The following PARP8 variants were observed in gnomAD, a reference collection of about 807,000 sequenced individuals.
PARP8 encodes poly(ADP-ribose) polymerase family member 8, also known as protein mono-ADP-ribosyltransferase PARP8.
A neutral mutation model predicts 124.1 loss-of-function variants in PARP8; 51 were observed. That is an observed-to-expected ratio of 0.41 (90% CI 0.33 to 0.52). The LOEUF (loss-of-function observed/expected upper bound fraction) is 0.52, where lower values mean the gene tolerates loss of function less well. Among genes scored for constraint, PARP8 ranks in the 20% least tolerant of loss-of-function variants. The probability of loss-of-function intolerance (pLI) is 0.21; values close to 1 mark genes in which losing one functional copy is unlikely to be tolerated. For missense variants in PARP8, 860 were observed against 1,018.9 expected (o/e 0.84, Z 2.12); for synonymous variants, 391 against 361.5 (o/e 1.08, Z -0.93).
rs1266593622 is a variant in PARP8, at chr5:50,844,321, TA to T, written c.*2255del. The T allele has an allele frequency of 1.3e-5, 2 of 151,852 alleles. No individual in the cohort carries two copies. Among genetic ancestry groups the T allele is most frequent in the African/African-American group, 4.8e-5 (2 of 41,416 alleles). The allele number at this position is 151,852 out of a possible 1,614,324, so 9.4% of individuals were successfully genotyped here. A position where few individuals can be genotyped will look rare whatever the true frequency, so the allele number is the denominator to read the frequency against. ...TCAAACAATTGCGTCAGAACCTTTGTAAGCAAATATTCTAAGGAGAATCAAT... is the reference window on the plus strand; with the variant it reads ...TCAAACAATTGCGTCAGAACCTTTGTAGCAAATATTCTAAGGAGAATCAAT... On this transcript the variant is annotated 3_prime_UTR_variant, in exon 26 of 26. Transcript: ENST00000281631.
At chr5:50,821,184 T>C (rs1364286537) in intron 15 of PARP8, 29 bp from the exon 16 acceptor site, 6 of 1,612,814 alleles carry the variant, frequency 3.7e-6, no homozygotes, top group Admixed American at 1.7e-5. Context: ...ACCTGAAGGG[T>C]AGTAACTATC....
intron 2 of PARP8, among the ~76,000 whole-genome samples, chr5:50,708,935 C>T (rs1754439604): frequency 6.6e-6 from 1 of 150,666 alleles, no homozygotes; most frequent in Admixed American, 6.7e-5. Flanking sequence ...GCACTTGCCA[C>T]CATGCCTGGC....
chr5:50,726,125 A>C (rs533480346), intron 2 of PARP8, among the ~76,000 whole-genome samples: 2 of 151,394 alleles, frequency 1.3e-5, no homozygotes, highest in African/African-American at 4.9e-5. Flanking sequence ...TTTTTTTTTA[A>C]ATTTTTTATT....
intron 14 of PARP8, among the ~76,000 whole-genome samples, chr5:50,807,644 A>G (rs1256199654): frequency 6.6e-6 from 1 of 152,076 alleles, no homozygotes; most frequent in Non-Finnish European, 1.5e-5. Context: ...TACTCACCTT[A>G]ATCACCTCAA....
At chr5:50,667,999 G>A in intron 1 of PARP8, 72 bp from the exon 2 acceptor site, 4 of 1,609,270 alleles carry the variant, frequency 2.5e-6, no homozygotes, top group Middle Eastern at 2.3e-4. Flanking sequence ...ACCGAATGTG[G>A]GGCTCAAGTC....
At chr5:50,806,492 T>A (rs375402496) in intron 14 of PARP8, among the ~76,000 whole-genome samples, 1 of 152,212 alleles carries the variant, frequency 6.6e-6, no homozygotes, top group Non-Finnish European at 1.5e-5. Flanking sequence ...AATATTGCTA[T>A]ATTTTTCTAA....
intron 12 of PARP8, 80 bp downstream of exon 12, chr5:50,795,497 G>T: frequency 8.3e-7 from 1 of 1,201,886 alleles, no homozygotes; most frequent in Non-Finnish European, 1.1e-6. Context: ...AAGATCTGGT[G>T]GAGAAAAGAA....
At chr5:50,736,024 C>T (rs1260419769) in intron 2 of PARP8, among the ~76,000 whole-genome samples, 2 of 131,532 alleles carry the variant, frequency 1.5e-5, no homozygotes, top group African/African-American at 5.8e-5. Flanking sequence ...TGAATTAAAT[C>T]TAGTGGTGTC....
chr5:50,782,988 A>C (rs1435811116), intron 9 of PARP8, among the ~76,000 whole-genome samples: 4 of 152,122 alleles, frequency 2.6e-5, no homozygotes, highest in Admixed American at 1.3e-4. Context: ...GCAGAATCCA[A>C]ATATCAGGGA....
chr5:50,709,612 A>G (rs1230799931), intron 2 of PARP8, among the ~76,000 whole-genome samples: 3 of 151,982 alleles, frequency 2.0e-5, no homozygotes, highest in East Asian at 1.9e-4. Flanking sequence ...TGTAAGCACC[A>G]TGGTAGGAGA....
At chr5:50,760,151 A>G (rs772957280) in intron 4 of PARP8, 141 bp from the exon 5 acceptor site, 1 of 793,196 alleles carries the variant, frequency 1.3e-6, no homozygotes, top group East Asian at 3.4e-5. Flanking sequence ...CCTCAACATG[A>G]CATGATTTCA....
chr5:50,816,656 A>G (rs976180670), intron 15 of PARP8, among the ~76,000 whole-genome samples: 6 of 152,200 alleles, frequency 3.9e-5, no homozygotes, highest in African/African-American at 1.2e-4. Context: ...TATGATATGA[A>G]AAAAATGATT....
chr5:50,692,165 C>A (rs560962424), intron 2 of PARP8, among the ~76,000 whole-genome samples: 3 of 152,242 alleles, frequency 2.0e-5, no homozygotes, highest in Admixed American at 6.5e-5. Flanking sequence ...GCTTAAAGCC[C>A]TTCCTTGTTA....
At chr5:50,667,577 G>C in intron 1 of PARP8, 1 of 698,926 alleles carries the variant, frequency 1.4e-6, no homozygotes, top group African/African-American at 1.8e-5. Context: ...GCCGGGAATG[G>C]AGCCTGCTGC....
intron 7 of PARP8, among the ~76,000 whole-genome samples, chr5:50,771,094 T>A (rs1409345411): frequency 6.7e-6 from 1 of 148,284 alleles, no homozygotes; most frequent in Non-Finnish European, 1.5e-5. Context: ...GGAAATGTGC[T>A]CTCTCTCTCT....
intron 2 of PARP8, among the ~76,000 whole-genome samples, chr5:50,742,427 T>C (rs1394077368): frequency 1.3e-5 from 2 of 152,166 alleles, no homozygotes; most frequent in African/African-American, 4.8e-5. Flanking sequence ...GGATTAATCT[T>C]AGATTACAAG....
At chr5:50,791,072 G>C (rs956761081) in intron 10 of PARP8, among the ~76,000 whole-genome samples, 12 of 152,164 alleles carry the variant, frequency 7.9e-5, no homozygotes, top group African/African-American at 2.9e-4. Flanking sequence ...AGCAAGTTAG[G>C]AAGGCAAATT....
In PARP8 at chr5:50,828,345, G is replaced by A. The variant is rs1306683217; in HGVS notation, c.2124G>A (p.Leu708=). The A allele has an allele frequency of 6.2e-7, 1 of 1,613,780 alleles. No homozygotes were observed. The highest frequency in any genetic ancestry group is 8.5e-7 in the Non-Finnish European group (1 of 1,179,822). Reference sequence around the variant, plus strand: ...ACATTGAAAACTGGCACTCCATCCTGAGGAATGGTCTGGTTGTTGCTTCTA... The same window carrying A: ...ACATTGAAAACTGGCACTCCATCCTAAGGAATGGTCTGGTTGTTGCTTCTA... ...GSHIENWHSI[L]RNGLVVASNT... is the part of the protein sequence containing the mutation. The change falls in exon 21 of 26, where the codon CTG becomes CTA. Residue 708 remains leucine (L), a synonymous_variant. Transcript: ENST00000281631.
At chr5:50,758,929 T>C (rs1760251049) in intron 3 of PARP8, among the ~76,000 whole-genome samples, 1 of 152,152 alleles carries the variant, frequency 6.6e-6, no homozygotes, top group African/African-American at 2.4e-5. Context: ...GCACTCAACT[T>C]GTATAATGCA....
Sources: allele counts gnomAD v4.1 joint callset (sites outside exome capture counted in the v4.1 genomes callset), GRCh38; gene constraint gnomAD v4.1.1; transcripts MANE v1.5; gene names NCBI Gene and HGNC (gene_info 2026-07-23, HGNC 2026-07-21).